The following CNBD1 variants were observed in gnomAD, a reference collection of about 807,000 sequenced individuals.
CNBD1 encodes the protein cyclic nucleotide binding domain containing 1.
In CNBD1, 71 loss-of-function variants were observed where a neutral mutation model predicts 54.4. That is an observed-to-expected ratio of 1.30 (90% CI 1.08 to 1.59). The LOEUF (loss-of-function observed/expected upper bound fraction) is 1.59. CNBD1 is among the 40% of genes most tolerant of loss of function. The pLI is 0.00. For synonymous variants in CNBD1, 182 were observed against 170.7 expected (o/e 1.07, Z -0.51); for missense variants, 659 against 518.0 (o/e 1.27, Z -2.64).
intron 4 of CNBD1, among the ~76,000 whole-genome samples, chr8:87,064,199 G>A (rs1322405388): frequency 1.3e-5 from 2 of 151,834 alleles, no homozygotes; most frequent in Non-Finnish European, 2.9e-5. Flanking sequence ...TATTACAGAC[G>A]TTAGTCTACT....
At chr8:87,280,650 C>T (rs1032400938) in intron 6 of CNBD1, among the ~76,000 whole-genome samples, 4 of 151,336 alleles carry the variant, frequency 2.6e-5, no homozygotes, top group Admixed American at 1.3e-4. Flanking sequence ...AAAATTATAC[C>T]TATGAAATAC....
intron 4 of CNBD1, among the ~76,000 whole-genome samples, chr8:86,957,082 A>C (rs1188688460): frequency 1.3e-5 from 2 of 152,184 alleles, no homozygotes; most frequent in Non-Finnish European, 2.9e-5. Context: ...CATCTGTTGA[A>C]ATAATCGTGT....
At chr8:87,342,166 G>C (rs555872195) in intron 8 of CNBD1, among the ~76,000 whole-genome samples, 19 of 152,142 alleles carry the variant, frequency 1.2e-4, no homozygotes, top group Middle Eastern at 6.8e-3. Context: ...CCAGCTACTT[G>C]AGAGGCTGAG....
chr8:87,210,212 G>A (rs925617033), intron 5 of CNBD1, among the ~76,000 whole-genome samples: 1 of 152,190 alleles, frequency 6.6e-6, no homozygotes, highest in African/African-American at 2.4e-5. Context: ...CCTATGTTCA[G>A]ATAAGGGAGC....
At chr8:87,331,964 A>G (rs953645488) in intron 8 of CNBD1, among the ~76,000 whole-genome samples, 1 of 151,928 alleles carries the variant, frequency 6.6e-6, no homozygotes, top group Non-Finnish European at 1.5e-5. Flanking sequence ...TATATTAGAC[A>G]TTTGTCAAAT....
At chr8:87,319,522 G>A (rs145000300) in intron 8 of CNBD1, among the ~76,000 whole-genome samples, 1 of 152,058 alleles carries the variant, frequency 6.6e-6, no homozygotes, top group African/African-American at 2.4e-5. Flanking sequence ...AATAAAAAAT[G>A]AGGAAGCAAA....
At chr8:87,196,456 A>T (rs1298340052) in intron 4 of CNBD1, among the ~76,000 whole-genome samples, 1 of 152,162 alleles carries the variant, frequency 6.6e-6, no homozygotes, top group African/African-American at 2.4e-5. Flanking sequence ...ACCTTAAGAG[A>T]GTCCTAAGCA....
At chr8:87,404,517 T>G (rs1013871752) in intron 2 of CNBD1, among the ~76,000 whole-genome samples, 8 of 151,600 alleles carry the variant, frequency 5.3e-5, no homozygotes, top group Non-Finnish European at 1.0e-4. Flanking sequence ...CAAGGACTAG[T>G]TATTTTTCTT....
At chr8:87,404,513 CTAGT>C (rs550163430) in intron 2 of CNBD1, among the ~76,000 whole-genome samples, 244 of 152,172 alleles carry the variant, frequency 1.6e-3, no homozygotes, top group African/African-American at 5.7e-3. Context: ...TTTGCAAGGA[CTAGT>C]TATTTTTCTT....
chr8:87,383,601 C>A (rs1811131606), downstream of CNBD1, among the ~76,000 whole-genome samples: 1 of 151,960 alleles, frequency 6.6e-6, no homozygotes, highest in Non-Finnish European at 1.5e-5. Context: ...TTAATTCTTA[C>A]ACTATTAATG....
At chr8:87,402,587 T>G (rs531584175) in intron 2 of CNBD1, among the ~76,000 whole-genome samples, 1 of 152,028 alleles carries the variant, frequency 6.6e-6, no homozygotes, top group Admixed American at 6.6e-5. Flanking sequence ...TGTGTGGGAG[T>G]CCAAACTTTA....
intron 4 of CNBD1, among the ~76,000 whole-genome samples, chr8:87,045,085 G>A (rs1810153124): frequency 6.6e-6 from 1 of 152,172 alleles, no homozygotes; most frequent in African/African-American, 2.4e-5. Flanking sequence ...GAGGGGTGTT[G>A]TGTCGAGAAC....
Position 87,166,571 on chromosome 8 carries a change from C to A in CNBD1, c.432-39422C>A, listed in dbSNP as rs1658284352. Among the ~76,000 whole-genome samples, 1 of 151,954 alleles carries A rather than the reference C, an allele frequency of 6.6e-6. No individual in the cohort carries two copies. Among genetic ancestry groups the A allele is most frequent in the Admixed American group, 6.6e-5 (1 of 15,208 alleles). On this transcript the variant is annotated intron_variant, in intron 4 of 10. Coordinates refer to ENST00000518476, the MANE Select transcript of CNBD1 (RefSeq NM_173538.3). This position sits in a 1 kb window ranked among gnomAD's most constrained non-coding sequence, Gnocchi z 4.3. The stretch of plus-strand genomic sequence containing the variant: ...GTTACACATGGCCTGAGGGATCTGG[C>A]CCAGCTCAGTTTCTCAATGTTCATT...
chr8:87,258,886 CAG>C (rs1237991383), intron 6 of CNBD1, among the ~76,000 whole-genome samples: 1 of 152,130 alleles, frequency 6.6e-6, no homozygotes, highest in Non-Finnish European at 1.5e-5. Context: ...TATTTTCACA[CAG>C]AGTGTTTTCA....
chr8:87,345,721 TA>T (rs1318330466), intron 8 of CNBD1, among the ~76,000 whole-genome samples: 5 of 151,782 alleles, frequency 3.3e-5, no homozygotes, highest in Admixed American at 6.6e-5. Flanking sequence ...GAAATAAACA[TA>T]AAAAAGACTT....
intron 6 of CNBD1, among the ~76,000 whole-genome samples, chr8:87,281,803 C>G (rs918411046): frequency 2.0e-5 from 3 of 150,596 alleles, no homozygotes; most frequent in African/African-American, 7.3e-5. Context: ...TGAAAGTTAT[C>G]TCCCTAATCC....
chr8:87,257,362 T>C (rs1467286963), intron 6 of CNBD1, among the ~76,000 whole-genome samples: 2 of 74,494 alleles, frequency 2.7e-5, no homozygotes, highest in Non-Finnish European at 5.3e-5. Flanking sequence ...AGAGCAAAAC[T>C]CTATCGCAAA....
intron 4 of CNBD1, among the ~76,000 whole-genome samples, chr8:86,984,400 G>T (rs1808558264): frequency 6.6e-6 from 1 of 152,156 alleles, no homozygotes; most frequent in Non-Finnish European, 1.5e-5. Flanking sequence ...TCCCTACTGG[G>T]GCGCAATCTA....
chr8:86,940,694 T>G (rs1042050512), intron 4 of CNBD1, among the ~76,000 whole-genome samples: 1 of 151,728 alleles, frequency 6.6e-6, no homozygotes, highest in Non-Finnish European at 1.5e-5. Flanking sequence ...AATAGGAAAT[T>G]CAACTAGAAT....
Sources: gnomAD v4.1 joint callset for allele counts (sites outside exome capture counted in the v4.1 genomes callset) on GRCh38, gnomAD v4.1.1 for gene constraint, Gnocchi (gnomAD v3.1) non-coding constraint, MANE v1.5 for transcripts, NCBI Gene and HGNC (gene_info 2026-07-23, HGNC 2026-07-21) for gene names.